Variants in OPCML observed in about 807,000 individuals in gnomAD.
OPCML encodes opioid binding protein/cell adhesion molecule like.
OPCML carries 13 observed loss-of-function variants against 37.8 expected under a neutral mutation model. The observed-to-expected ratio is 0.34, with a 90% CI of 0.22 to 0.55. The LOEUF is 0.55. OPCML is among the 20% of genes least tolerant of loss of function. OPCML has a pLI of 0.91. For synonymous variants in OPCML, 176 were observed against 168.8 expected (o/e 1.04, Z -0.33); for missense variants, 341 against 435.6 (o/e 0.78, Z 1.93).
At chr11:133,277,013 C>T (rs1942013742) in intron 1 of OPCML, among the ~76,000 whole-genome samples, 1 of 152,166 alleles carries the variant, frequency 6.6e-6, no homozygotes, top group Admixed American at 6.5e-5. Flanking sequence ...AATGTATCGA[C>T]TCTTTTACGT....
In OPCML at chr11:132,923,165, G is replaced by A. The variant is rs577988912; in HGVS notation, c.146+19761C>T. Among the ~76,000 whole-genome samples, 6 of 152,096 alleles carry A rather than the reference G, an allele frequency of 3.9e-5. No homozygotes were observed. The South Asian group carries it at 8.3e-4, about 21-fold the overall frequency. On this transcript the variant is annotated intron_variant, in intron 2 of 7. Coordinates refer to ENST00000524381, the MANE Select transcript of OPCML (RefSeq NM_001012393.5). ...TTACAGTTAACAGTATATACATTCC[G>A]GGGGTATGAGAAGAGAACTAGTTCA...
At chr11:132,862,459 G>A (rs541942592) in intron 2 of OPCML, among the ~76,000 whole-genome samples, 33 of 146,556 alleles carry the variant, frequency 2.3e-4, no homozygotes, top group Non-Finnish European at 4.0e-4. Context: ...AAACATCATC[G>A]TATCTAGCTC....
chr11:133,080,002 A>G (rs542712400), intron 1 of OPCML, among the ~76,000 whole-genome samples: 16 of 152,354 alleles, frequency 1.1e-4, no homozygotes, highest in Admixed American at 2.6e-4. Context: ...AATTCAACAT[A>G]AGGAGGAGCA....
At chr11:133,333,829 A>G (rs1162430444) in intron 1 of OPCML, among the ~76,000 whole-genome samples, 1 of 152,246 alleles carries the variant, frequency 6.6e-6, no homozygotes, top group Non-Finnish European at 1.5e-5. Flanking sequence ...AAGTGGGCAA[A>G]GGACATGAAC....
intron 1 of OPCML, chr11:133,423,542 A>T (rs1335579165): frequency 1.1e-6 from 1 of 937,376 alleles, no homozygotes; most frequent in African/African-American, 1.8e-5. Flanking sequence ...AGAAGTCCTC[A>T]AAGGAATTTA....
At chr11:133,528,456 A>T (rs999466698) in intron 1 of OPCML, among the ~76,000 whole-genome samples, 1 of 152,164 alleles carries the variant, frequency 6.6e-6, no homozygotes, top group Non-Finnish European at 1.5e-5. Flanking sequence ...CCTTGTGCAC[A>T]TCAGGCACTC....
chr11:132,599,369 G>A (rs1014213453), intron 3 of OPCML, among the ~76,000 whole-genome samples: 3 of 12,422 alleles, frequency 2.4e-4, no homozygotes, highest in East Asian at 5.8e-3. Context: ...GAAGGAGGAG[G>A]AGGAAGAAGG....
intron 2 of OPCML, among the ~76,000 whole-genome samples, chr11:132,737,968 G>A (rs528905632): frequency 1.9e-4 from 29 of 151,944 alleles, no homozygotes; most frequent in Non-Finnish European, 2.8e-4. Context: ...TCTATAAATC[G>A]CCCCCAGTCT....
Position 132,688,714 on chromosome 11 carries a change from C to A in OPCML, c.147-31395G>T, listed in dbSNP as rs1296717796. Among the ~76,000 whole-genome samples the A allele has an allele frequency of 5.8e-5, 2 of 34,424 alleles. 1 individual carries two copies. The highest frequency in any genetic ancestry group is 1.2e-4 in the Non-Finnish European group (2 of 16,828). 22.6% of individuals were successfully genotyped at this position (34,424 alleles called of 152,430 possible). ...ATAAAAATAGATTGGGAGGCCGAGGCGGGTGGATCATGAGGTCAGGAGATC... is the reference window on the plus strand; with the variant it reads ...ATAAAAATAGATTGGGAGGCCGAGGAGGGTGGATCATGAGGTCAGGAGATC... On this transcript the variant is annotated intron_variant, in intron 2 of 7. Transcript: ENST00000524381.
chr11:132,672,028 T>C (rs779485441), intron 2 of OPCML, among the ~76,000 whole-genome samples: 1 of 152,164 alleles, frequency 6.6e-6, no homozygotes, highest in Non-Finnish European at 1.5e-5. Context: ...ATGATTCTTT[T>C]GTAACACTTC....
rs558026591 is a variant in OPCML at position 133,137,423 on chromosome 11, A to G, written c.62-194413T>C. On this transcript the variant is annotated intron_variant, in intron 1 of 7. Transcript: ENST00000524381. ...TGGATACAACACTTTTCTTCTAAAG[A>G]TGTTGATATTACTTGCCATGTGTCT... is the stretch of plus-strand genomic sequence containing the variant. Among the ~76,000 whole-genome samples the G allele has an allele frequency of 2.6e-5, 4 of 152,324 alleles. No homozygotes were observed. The East Asian group carries it at 7.7e-4, about 29-fold the overall frequency.
In OPCML at chr11:132,507,435, T is replaced by A. The variant is rs545749714; in HGVS notation, c.505+21626A>T. Among the ~76,000 whole-genome samples the A allele has an allele frequency of 2.0e-5, 3 of 152,096 alleles. No homozygotes were observed. The South Asian group carries it at 6.2e-4, about 31-fold the overall frequency. On this transcript the variant is annotated intron_variant, in intron 4 of 7. Coordinates refer to ENST00000524381, the MANE Select transcript of OPCML (RefSeq NM_001012393.5). ...ATATATAACTATAGGTATATTCAATTACATATACTTTGTACAATGTTTATA... is the reference window on the plus strand; with the variant it reads ...ATATATAACTATAGGTATATTCAATAACATATACTTTGTACAATGTTTATA...
chr11:132,601,059 T>C (rs1937851319), intron 3 of OPCML, among the ~76,000 whole-genome samples: 1 of 152,124 alleles, frequency 6.6e-6, no homozygotes, highest in African/African-American at 2.4e-5. Flanking sequence ...AATTAAATAA[T>C]TTGAGGGAAT....
chr11:132,713,613 A>C (rs3018393), intron 2 of OPCML, among the ~76,000 whole-genome samples: 7 of 152,106 alleles, frequency 4.6e-5, no homozygotes, highest in Admixed American at 4.6e-4. Context: ...TGATGTATTC[A>C]GTTCTCCTCC....
Position 133,289,382 on chromosome 11 carries a change from T to G in OPCML, c.61+242882A>C, listed in dbSNP as rs866416068. On this transcript the variant is annotated intron_variant, in intron 1 of 7. Transcript: ENST00000524381. ...AGGCCGAGGCGGGCGGATCACGAGG[T>G]CAGGAGATCGAGACCATCCCGGCTA... is the stretch of plus-strand genomic sequence containing the variant. Among the ~76,000 whole-genome samples the G allele has an allele frequency of 3.6e-4, 55 of 151,122 alleles. No homozygotes were observed. The Middle Eastern group carries it at 0.014, about 38-fold the overall frequency.
At chr11:132,680,600 G>A (rs553272942) in intron 2 of OPCML, among the ~76,000 whole-genome samples, 2 of 152,232 alleles carry the variant, frequency 1.3e-5, no homozygotes, top group South Asian at 2.1e-4. Context: ...GGGCGGCTGC[G>A]GCCACGCTAC....
intron 2 of OPCML, among the ~76,000 whole-genome samples, chr11:132,714,403 G>A (rs762337533): frequency 5.3e-5 from 8 of 152,204 alleles, no homozygotes; most frequent in South Asian, 4.1e-4. Context: ...TAATATGTGC[G>A]GCACAGAGTA....
intron 1 of OPCML, among the ~76,000 whole-genome samples, chr11:133,321,586 T>C (rs1460916085): frequency 6.6e-6 from 1 of 152,182 alleles, no homozygotes; most frequent in East Asian, 1.9e-4. Context: ...GATGGGCCAC[T>C]CTGGACAGGC....
chr11:133,480,562 C>A (rs1326437514), intron 1 of OPCML, among the ~76,000 whole-genome samples: 1 of 152,234 alleles, frequency 6.6e-6, no homozygotes, highest in Non-Finnish European at 1.5e-5. Context: ...CCTCAGGCAG[C>A]ATCACTCAGG....
Sources: allele counts gnomAD v4.1 joint callset (sites outside exome capture counted in the v4.1 genomes callset), GRCh38; gene constraint gnomAD v4.1.1; transcripts MANE v1.5; gene names NCBI Gene and HGNC (gene_info 2026-07-23, HGNC 2026-07-21).